CDH23: variants seen among roughly 807,000 people sequenced by gnomAD.
CDH23 encodes the protein cadherin-23.
A neutral mutation model predicts 317.1 loss-of-function variants in CDH23; 189 were observed. The observed-to-expected ratio is 0.60, with a 90% CI of 0.53 to 0.67. CDH23 has a LOEUF of 0.67. Ranked by LOEUF, CDH23 falls within the 30% of genes least tolerant of loss-of-function variation. The pLI, the probability that CDH23 is intolerant of heterozygous loss-of-function variation, is 0.00. For synonymous variants in CDH23, 1,839 were observed against 1,876.8 expected, an observed-to-expected ratio of 0.98 and a Z score of 0.52; for missense variants, 4,401 against 4,592.4, an observed-to-expected ratio of 0.96 and a Z score of 1.20.
intron 14 of CDH23, among the ~76,000 whole-genome samples, chr10:71,673,163 T>C (rs1589318544): frequency 1.3e-5 from 2 of 152,366 alleles, no homozygotes; most frequent in South Asian, 4.1e-4. Context: ...ATGAAGCATC[T>C]ACTGCATGCC....
chr10:71,490,343 G>A (rs1852586771), intron 3 of CDH23, among the ~76,000 whole-genome samples: 1 of 152,066 alleles, frequency 6.6e-6, no homozygotes, highest in Non-Finnish European at 1.5e-5. Flanking sequence ...TTAAACTATG[G>A]CCTATTTGAG....
chr10:71,738,629 T>A lies in CDH23; in HGVS notation c.4341T>A (p.Asp1447Glu). The A allele has an allele frequency of 6.2e-7, 1 of 1,613,348 alleles. No individual in the cohort carries two copies. ...CTACTGTCAAGGCCTGGGACCCTGA[T>A]GCTGGCAGCAATGGGCAGGTGGGCC... Reference protein sequence around the residue: ...RVATVKAWDPDAGSNGQVVFS... With the variant: ...RVATVKAWDPEAGSNGQVVFS... The change falls in exon 35 of 70, where the codon GAT (aspartate) becomes GAA (glutamate). Residue 1447 changes from aspartate (D) to glutamate (E), a missense_variant. Asp to Glu is a conservative substitution (Grantham distance 45). Coordinates refer to ENST00000224721, the MANE Select transcript of CDH23 (RefSeq NM_022124.6).
chr10:71,673,127 C>G lies in CDH23; in HGVS notation c.1450-1985C>G, dbSNP rs567219489. On this transcript the variant is annotated intron_variant, in intron 14 of 69. Transcript: ENST00000224721. ...CTTCCCTATTTTCTCTGCACCACCC[C>G]CTTCTTATTCATTTTTCAGGCATTT... 3.3e-3 allele frequency among the ~76,000 whole-genome samples: 503 copies of G among 152,312 alleles called. 4 individuals are homozygous for G. The highest frequency in any genetic ancestry group is 0.011 in the African/African-American group (467 of 41,560).
At position 71,807,286 on chromosome 10, in the gene CDH23, C is replaced by G. The variant is rs749820300; in HGVS notation, c.8188C>G (p.Pro2730Ala). The change falls in exon 58 of 70, where the codon CCC becomes GCC. Residue 2730 changes from proline (P) to alanine (A), a missense_variant. By Grantham distance (27) the Pro-to-Ala change is conservative. This residue lies in a region of CDH23 where 1,144 missense variants were observed against 1,138.2 expected (regional missense o/e 1.01). Transcript: ENST00000224721. ...PLFVRPPKGS[P>A]QYQLLTVPEH... ...CCCCCTCCCTCTGCAGAAAGGCAGC[C>G]CCCAGTACCAGCTGCTGACAGTGCC... is the stretch of plus-strand genomic sequence containing the variant. 7 of 1,613,556 alleles carry G rather than the reference C, an allele frequency of 4.3e-6. No individual in the cohort carries two copies. The African/African-American group carries it at 9.3e-5, about 22-fold the overall frequency.
chr10:71,415,455 CA>C (rs1244108793), intron 1 of CDH23, among the ~76,000 whole-genome samples: 1 of 152,060 alleles, frequency 6.6e-6, no homozygotes, highest in East Asian at 1.9e-4. Context: ...TTGATCTTTT[CA>C]AAAAAACAAT....
intron 37 of CDH23, 47 bp downstream of exon 37, chr10:71,740,997 G>T (rs1251699710): frequency 4.3e-6 from 7 of 1,609,802 alleles, no homozygotes; most frequent in African/African-American, 2.7e-5. Context: ...CGGGGGGACC[G>T]TGGGCACGAG....
At chr10:71,550,772 G>A (rs1856552341) in intron 6 of CDH23, among the ~76,000 whole-genome samples, 1 of 152,108 alleles carries the variant, frequency 6.6e-6, no homozygotes, top group Non-Finnish European at 1.5e-5. Flanking sequence ...GGATTTGCAG[G>A]TGTGGGGGCA....
At chr10:71,653,078 A>G (rs1863252830) in intron 14 of CDH23, among the ~76,000 whole-genome samples, 2 of 150,850 alleles carry the variant, frequency 1.3e-5, no homozygotes, top group Non-Finnish European at 2.9e-5. Flanking sequence ...TGGAAGTCTC[A>G]GGAAGATTCC....
chr10:71,465,764 G>A (rs1227017439), intron 3 of CDH23, among the ~76,000 whole-genome samples: 1 of 152,194 alleles, frequency 6.6e-6, no homozygotes, highest in Non-Finnish European at 1.5e-5. Flanking sequence ...TCAGGTAGCC[G>A]CGCTGAGTGA....
chr10:71,815,000 C>A lies in CDH23; in HGVS notation c.9787C>A (p.Gln3263Lys), dbSNP rs1295113641. 6.2e-7 allele frequency: 1 copy of A among 1,612,526 alleles called. No homozygotes were observed. The highest frequency in any genetic ancestry group is 8.5e-7 in the Non-Finnish European group (1 of 1,179,746). The change falls in exon 70 of 70, where the codon CAG becomes AAG. Residue 3263 changes from glutamine to lysine, a missense_variant. This residue lies in a region of CDH23 where 1,144 missense variants were observed against 1,138.2 expected (regional missense o/e 1.01). Transcript: ENST00000224721. The part of the protein sequence containing the change: ...DEEPGDHSPG[Q>K]GSLRFRHKPP... The stretch of plus-strand genomic sequence containing the variant: ...GGAGCCAGGAGACCACAGCCCAGGG[C>A]AGGGTAGCCTGCGCTTCCGCCACAA...
chr10:71,652,397 G>A (rs1345430165), intron 14 of CDH23, among the ~76,000 whole-genome samples: 3 of 152,220 alleles, frequency 2.0e-5, no homozygotes, highest in East Asian at 1.9e-4. Flanking sequence ...TAGTGCCTGC[G>A]CAGCCTGCAG....
At chr10:71,533,062 C>A (rs921066175) in intron 6 of CDH23, among the ~76,000 whole-genome samples, 1 of 152,164 alleles carries the variant, frequency 6.6e-6, no homozygotes, top group Non-Finnish European at 1.5e-5. Flanking sequence ...GTGTGCCCAG[C>A]GCTGTATCTG....
chr10:71,675,890 G>T (rs1437328008), intron 15 of CDH23, among the ~76,000 whole-genome samples: 1 of 147,372 alleles, frequency 6.8e-6, no homozygotes. Flanking sequence ...CCAAGCCAAA[G>T]GCAGCCCTCT....
At position 71,779,357 on chromosome 10, in the gene CDH23, G is replaced by A. The variant is rs929516519; in HGVS notation, c.5278G>A (p.Gly1760Arg). 1.7e-5 allele frequency: 27 copies of A among 1,613,858 alleles called. No homozygotes were observed. Among genetic ancestry groups the A allele is most frequent in the Non-Finnish European group, 2.2e-5 (26 of 1,179,888 alleles). The change falls in exon 41 of 70, where the codon GGG becomes AGG. Residue 1760 changes from glycine (G) to arginine (R), a missense_variant. Physicochemically the swap from Gly to Arg is moderately radical, Grantham distance 125 (BLOSUM62 -2). Around this residue, in one of 3 missense-constraint regions of CDH23, gnomAD observed 3,068 missense variants for 3,203.3 expected, o/e 0.96. Coordinates refer to ENST00000224721, the MANE Select transcript of CDH23 (RefSeq NM_022124.6). ...ATTTGAAGTCACTGAGGGCCAGCCG[G>A]GGCCCAGAGTGTGGACCTTCCTGGC... ...GPFEVTEGQP[G>R]PRVWTFLAHD...
chr10:71,677,474 C>A lies in CDH23; in HGVS notation c.1533C>A (p.Asp511Glu), dbSNP rs1461609982. The A allele has an allele frequency of 6.2e-7, 1 of 1,609,650 alleles. No individual in the cohort carries two copies. The highest frequency in any genetic ancestry group is 2.2e-5 in the East Asian group (1 of 44,804). Residue 511 changes from aspartate to glutamate, a missense_variant, in exon 16 of 70, where the codon GAC becomes GAA. Transcript: ENST00000224721. ...GGCACAGGTTCTCGCTGGACAAGGACACGGGACTCATCATGCTGATTGCCA... is the reference window on the plus strand; with the variant it reads ...GGCACAGGTTCTCGCTGGACAAGGAAACGGGACTCATCATGCTGATTGCCA... ...DDPDRFSLDK[D>E]TGLIMLIARL...
In CDH23 at chr10:71,644,562, C is replaced by G. The variant is rs527377071; in HGVS notation, c.1140+696C>G. Among the ~76,000 whole-genome samples, 29 of 152,320 alleles carry G rather than the reference C, an allele frequency of 1.9e-4. No homozygotes were observed. The South Asian group carries it at 5.6e-3, about 29-fold the overall frequency. On this transcript the variant is annotated intron_variant, in intron 12 of 69. Transcript: ENST00000224721. ...CTGAGCGGGATGGGAACCAGCCTTG[C>G]AGGGACTATCCCCTTAGACCACGGA... is the stretch of plus-strand genomic sequence containing the variant.
rs573033652 is a variant in CDH23, at chr10:71,742,367, T to C, written c.4845+446T>C. On this transcript the variant is annotated intron_variant, in intron 38 of 69. Transcript: ENST00000224721. ...GGCCCTCTTCCCCTACATTGTGTGG[T>C]GTGGCATGCTGTCACAACACGTCAG... Among the ~76,000 whole-genome samples the C allele has an allele frequency of 3.3e-5, 5 of 152,340 alleles. No homozygotes were observed. In the South Asian group the frequency reaches 6.2e-4, roughly 19 times the overall value.
chr10:71,429,097 G>A (rs1849249317), intron 1 of CDH23, among the ~76,000 whole-genome samples: 1 of 152,114 alleles, frequency 6.6e-6, no homozygotes, highest in African/African-American at 2.4e-5. Flanking sequence ...CCAATTTATC[G>A]ATTTTTTCCA....
At chr10:71,500,525 T>C (rs1325166236) in intron 3 of CDH23, among the ~76,000 whole-genome samples, 1 of 152,208 alleles carries the variant, frequency 6.6e-6, no homozygotes, top group Non-Finnish European at 1.5e-5. Flanking sequence ...GGGGAGCCCA[T>C]CCCCACCAAG....
Sources: gnomAD v4.1 joint callset for allele counts (sites outside exome capture counted in the v4.1 genomes callset) on GRCh38, gnomAD v4.1.1 for gene constraint, gnomAD v4.1.1 regional missense constraint, MANE v1.5 for transcripts, NCBI Gene and HGNC (gene_info 2026-07-23, HGNC 2026-07-21) for gene names.